RAD54L2: variants seen among roughly 807,000 people sequenced by gnomAD.
RAD54L2 encodes RAD54 like 2, also known as helicase ARIP4.
RAD54L2 carries 27 observed loss-of-function variants against 138.4 expected under a neutral mutation model. That is an observed-to-expected ratio of 0.20 (90% CI 0.14 to 0.27). The LOEUF (loss-of-function observed/expected upper bound fraction) is 0.27, where lower values mean the gene tolerates loss of function less well. Ranked by LOEUF, RAD54L2 falls within the 10% of genes least tolerant of loss-of-function variation. The pLI, the probability that RAD54L2 is intolerant of heterozygous loss-of-function variation, is 1.00. For missense variants in RAD54L2, 1,396 were observed against 1,890.2 expected, an observed-to-expected ratio of 0.74 and a Z score of 4.85; for synonymous variants, 644 against 723.2, an observed-to-expected ratio of 0.89 and a Z score of 1.76.
chr3:51,663,323 T>G lies in RAD54L2; in HGVS notation c.4307T>G (p.Val1436Gly). The G allele has an allele frequency of 1.2e-6, 2 of 1,613,838 alleles. No homozygotes were observed. Among genetic ancestry groups the G allele is most frequent in the Non-Finnish European group, 1.7e-6 (2 of 1,179,848 alleles). The change falls in exon 23 of 23, where the codon GTG (valine) becomes GGG (glycine). Residue 1436 changes from valine (V) to glycine (G), a missense_variant. This residue lies in a region of RAD54L2 where 634 missense variants were observed against 711.2 expected (regional missense o/e 0.89). Coordinates refer to ENST00000684192, the MANE Select transcript of RAD54L2 (RefSeq NM_015106.4). ...YPAGGLLRSQ[V>G]PPFDSHEVAE... ...GCTGGTGGCCTCCTACGGTCCCAGG[T>G]GCCTCCATTTGACTCTCATGAGGTT...
intron 3 of RAD54L2, among the ~76,000 whole-genome samples, chr3:51,607,532 G>A (rs186484644): frequency 6.6e-6 from 1 of 152,238 alleles, no homozygotes; most frequent in Non-Finnish European, 1.5e-5. Context: ...ATAACAATCC[G>A]ATCTTTCTTT....
chr3:51,667,188 C>G lies in RAD54L2; in HGVS notation c.*3768C>G, dbSNP rs1299165890. On this transcript the variant is annotated 3_prime_UTR_variant, in exon 23 of 23. Coordinates refer to ENST00000684192, the MANE Select transcript of RAD54L2 (RefSeq NM_015106.4). ...CACTTCCTTTTTTTTTTTTTTGAGA[C>G]AGAGTCTTGCTCTGTCACCCAGGCT... is the stretch of plus-strand genomic sequence containing the variant. 2 of 148,554 alleles carry G rather than the reference C, an allele frequency of 1.3e-5. No homozygotes were observed. The highest frequency in any genetic ancestry group is 2.5e-5 in the African/African-American group (1 of 40,044). 9.2% of individuals were successfully genotyped at this position (148,554 alleles called of 1,614,324 possible).
chr3:51,624,771 G>T (rs993257175), intron 3 of RAD54L2, among the ~76,000 whole-genome samples: 24 of 152,184 alleles, frequency 1.6e-4, no homozygotes, highest in Non-Finnish European at 3.4e-4. Context: ...TGAACTTCAT[G>T]CTGTTCTAGA....
At chr3:51,623,444 G>C (rs182574314) in intron 3 of RAD54L2, among the ~76,000 whole-genome samples, 119 of 152,272 alleles carry the variant, frequency 7.8e-4, no homozygotes, top group African/African-American at 2.8e-3. Flanking sequence ...GCAGATAAGG[G>C]TTTGAAGAAT....
At chr3:51,571,043 A>G (rs1251092845) in intron 2 of RAD54L2, among the ~76,000 whole-genome samples, 1 of 151,536 alleles carries the variant, frequency 6.6e-6, no homozygotes, top group East Asian at 2.0e-4. Context: ...CTGATCCCGA[A>G]CTCCTGGCCT....
At chr3:51,648,579 C>T (rs1445395133) in intron 19 of RAD54L2, among the ~76,000 whole-genome samples, 5 of 152,146 alleles carry the variant, frequency 3.3e-5, no homozygotes, top group Non-Finnish European at 1.5e-5. Context: ...AGCCGGGTGC[C>T]CCTCTGAGAC....
At chr3:51,619,151 G>A (rs1321449049) in intron 3 of RAD54L2, among the ~76,000 whole-genome samples, 4 of 152,054 alleles carry the variant, frequency 2.6e-5, no homozygotes, top group Non-Finnish European at 4.4e-5. Flanking sequence ...TCTGCCTCCC[G>A]GGTTCAAGCA....
At chr3:51,607,812 C>T (rs1700227923) in intron 3 of RAD54L2, among the ~76,000 whole-genome samples, 1 of 150,282 alleles carries the variant, frequency 6.7e-6, no homozygotes, top group African/African-American at 2.5e-5. Context: ...GGCAGAGGGG[C>T]TCCTCACCTC....
Position 51,638,439 on chromosome 3 carries a change from C to A in RAD54L2, c.1860+118C>A. 8.2e-7 allele frequency: 1 copy of A among 1,213,146 alleles called. No homozygotes were observed. Among genetic ancestry groups the A allele is most frequent in the Non-Finnish European group, 1.2e-6 (1 of 863,494 alleles). 75.1% of individuals were successfully genotyped at this position (1,213,146 alleles called of 1,614,324 possible). ...AGAATAAAGTGAGAGGGGGCCACCT[C>A]AGTTCACTGCACTGGAGGTTTGGGG... On this transcript the variant is annotated intron_variant, in intron 12 of 22. Transcript: ENST00000684192. The surrounding 1 kb of genome is among the most constrained non-coding windows in gnomAD (Gnocchi z 4.3).
intron 5 of RAD54L2, 102 bp from the exon 6 acceptor site, chr3:51,630,170 C>T (rs1700802307): frequency 1.2e-6 from 1 of 850,350 alleles, no homozygotes. Flanking sequence ...TGGATACTCC[C>T]CATGAGAGCT....
chr3:51,597,047 C>T (rs893600403), intron 3 of RAD54L2, among the ~76,000 whole-genome samples: 2 of 151,882 alleles, frequency 1.3e-5, no homozygotes, highest in Non-Finnish European at 2.9e-5. Flanking sequence ...CGCCTGTAAT[C>T]CCAGCTACTT....
intron 3 of RAD54L2, among the ~76,000 whole-genome samples, chr3:51,620,124 G>T (rs1450454459): frequency 6.6e-6 from 1 of 151,788 alleles, no homozygotes; most frequent in Non-Finnish European, 1.5e-5. Context: ...ACAGGGTCTT[G>T]CTCTGTTGCC....
At chr3:51,610,935 A>T (rs1700313333) in intron 3 of RAD54L2, among the ~76,000 whole-genome samples, 1 of 152,224 alleles carries the variant, frequency 6.6e-6, no homozygotes, top group South Asian at 2.1e-4. Context: ...AGGTGGAGGA[A>T]TCACTGGCCC....
At chr3:51,630,122 G>A (rs1159338972) in intron 5 of RAD54L2, 150 bp from the exon 6 acceptor site, 1 of 604,742 alleles carries the variant, frequency 1.7e-6, no homozygotes, top group African/African-American at 1.9e-5. Flanking sequence ...TGGAAGGAGG[G>A]CTGAGGTTTT....
In RAD54L2 at chr3:51,644,095, TG is replaced by T. The variant is rs546891714; in HGVS notation, c.2450+125del. 3.7e-4 allele frequency: 284 copies of T among 762,848 alleles called. 1 individual carries two copies. The African/African-American group carries it at 4.6e-3, about 12-fold the overall frequency. 47.3% of individuals were successfully genotyped at this position (762,848 alleles called of 1,614,324 possible). A position where few individuals can be genotyped will look rare whatever the true frequency, so the allele number is the denominator to read the frequency against. On this transcript the variant is annotated intron_variant, in intron 16 of 22. Transcript: ENST00000684192. ...TCAGCTCAGGTTTGTAACTTGTTTC[TG>T]GGGTCAGAGAGGGAACTTCAAAAGG...
At chr3:51,582,239 G>C (rs1181877059) in intron 2 of RAD54L2, among the ~76,000 whole-genome samples, 1 of 152,140 alleles carries the variant, frequency 6.6e-6, no homozygotes, top group African/African-American at 2.4e-5. Context: ...TTATAGCTGT[G>C]TGGAAAGACA....
intron 2 of RAD54L2, among the ~76,000 whole-genome samples, chr3:51,581,922 CTCTTT>C (rs2106690346): frequency 6.6e-6 from 1 of 151,522 alleles, no homozygotes; most frequent in East Asian, 1.9e-4. Context: ...AGTCTCCCTT[CTCTTT>C]TCTTTTTTTT....
chr3:51,541,174 T>G (rs1698539080), intron 1 of RAD54L2: 1 of 152,192 alleles, frequency 6.6e-6, no homozygotes, highest in Admixed American at 6.5e-5. Flanking sequence ...TTTTAACATT[T>G]TGTTAGTGGT....
chr3:51,576,894 ATGTG>A (rs1369262875), intron 2 of RAD54L2, among the ~76,000 whole-genome samples: 1 of 151,906 alleles, frequency 6.6e-6, no homozygotes, highest in Non-Finnish European at 1.5e-5. Context: ...TAGCTTTTGA[ATGTG>A]TTTGCTCTTC....
Sources: gnomAD v4.1 joint callset for allele counts (sites outside exome capture counted in the v4.1 genomes callset) on GRCh38, gnomAD v4.1.1 for gene constraint, gnomAD v4.1.1 regional missense constraint, Gnocchi (gnomAD v3.1) non-coding constraint, MANE v1.5 for transcripts, NCBI Gene and HGNC (gene_info 2026-07-23, HGNC 2026-07-21) for gene names.